Variants in KCNIP4 observed in about 807,000 individuals in gnomAD.
KCNIP4 encodes potassium voltage-gated channel interacting protein 4, also known as Kv channel-interacting protein 4.
Under a neutral mutation model 34.0 loss-of-function variants are expected in KCNIP4, and 12 were observed. That is an observed-to-expected ratio of 0.35 (90% CI 0.23 to 0.57). The LOEUF (loss-of-function observed/expected upper bound fraction) is 0.57. Among genes scored for constraint, KCNIP4 ranks in the 20% least tolerant of loss-of-function variants. KCNIP4 has a pLI of 0.83. For synonymous variants in KCNIP4, 124 were observed against 102.2 expected (o/e 1.21, Z -1.29); for missense variants, 238 against 311.7 (o/e 0.76, Z 1.78).
At chr4:20,915,425 GTAAC>G (rs1295621254) in intron 1 of KCNIP4, among the ~76,000 whole-genome samples, 1 of 152,102 alleles carries the variant, frequency 6.6e-6, no homozygotes, top group African/African-American at 2.4e-5. Context: ...CTCAGCAAAA[GTAAC>G]TAAAAGATAA....
intron 1 of KCNIP4, among the ~76,000 whole-genome samples, chr4:21,739,499 A>G (rs967167828): frequency 1.3e-5 from 2 of 152,058 alleles, no homozygotes; most frequent in Non-Finnish European, 2.9e-5. Context: ...ATTGACAAAA[A>G]TCTTGAGAAA....
At chr4:20,792,964 T>C (rs1301739194) in intron 3 of KCNIP4, among the ~76,000 whole-genome samples, 37 of 152,174 alleles carry the variant, frequency 2.4e-4, no homozygotes, top group Admixed American at 2.3e-3. Context: ...CATGTACATC[T>C]AATGAAAAGA....
At chr4:21,378,195 C>T (rs561793083) in intron 1 of KCNIP4, among the ~76,000 whole-genome samples, 2 of 152,288 alleles carry the variant, frequency 1.3e-5, no homozygotes, top group South Asian at 4.1e-4. Flanking sequence ...TAGTGGAATA[C>T]TCACATTGAG....
At chr4:21,049,884 C>T (rs573590360) in intron 1 of KCNIP4, among the ~76,000 whole-genome samples, 3 of 152,294 alleles carry the variant, frequency 2.0e-5, no homozygotes, top group Admixed American at 1.3e-4. Context: ...TTTAAAAACC[C>T]AATCTTTCAC....
chr4:21,759,419 T>G (rs1449413741), intron 1 of KCNIP4, among the ~76,000 whole-genome samples: 1 of 152,170 alleles, frequency 6.6e-6, no homozygotes, highest in African/African-American at 2.4e-5. Flanking sequence ...TATTGCCAAG[T>G]GAAAAAGAAA....
At chr4:21,859,406 A>G (rs1724934279) in intron 1 of KCNIP4, among the ~76,000 whole-genome samples, 2 of 151,826 alleles carry the variant, frequency 1.3e-5, no homozygotes, top group African/African-American at 4.8e-5. Context: ...CAGGAGATCG[A>G]GACCATCCTG....
intron 1 of KCNIP4, among the ~76,000 whole-genome samples, chr4:21,339,249 A>C (rs1245138430): frequency 6.6e-6 from 1 of 152,234 alleles, no homozygotes; most frequent in Non-Finnish European, 1.5e-5. Context: ...GTTCACTGAA[A>C]TTCTGCTGAG....
chr4:21,015,438 A>AAT (rs924489761), intron 1 of KCNIP4, among the ~76,000 whole-genome samples: 3 of 141,620 alleles, frequency 2.1e-5, no homozygotes, highest in Non-Finnish European at 4.5e-5. Flanking sequence ...GGTTATATAT[A>AAT]ATATATATAT....
At chr4:20,936,375 C>A (rs760172770) in intron 1 of KCNIP4, among the ~76,000 whole-genome samples, 1 of 151,350 alleles carries the variant, frequency 6.6e-6, no homozygotes, top group Admixed American at 6.6e-5. Context: ...ACATTTATTC[C>A]GGATCTTTCA....
chr4:21,096,754 A>C (rs1402422342), intron 1 of KCNIP4, among the ~76,000 whole-genome samples: 1 of 152,126 alleles, frequency 6.6e-6, no homozygotes, highest in Non-Finnish European at 1.5e-5. Context: ...GAATAATTTT[A>C]ATTTAAAGAG....
chr4:21,682,261 G>A (rs1750424069), intron 1 of KCNIP4, among the ~76,000 whole-genome samples: 1 of 152,050 alleles, frequency 6.6e-6, no homozygotes, highest in Non-Finnish European at 1.5e-5. Flanking sequence ...CAGTACCAAG[G>A]GGATGGTGCT....
chr4:21,392,333 A>C (rs1174633452), intron 1 of KCNIP4, among the ~76,000 whole-genome samples: 1 of 152,216 alleles, frequency 6.6e-6, no homozygotes, highest in African/African-American at 2.4e-5. Context: ...TTAAGAGTTC[A>C]TTTCTTATAG....
intron 1 of KCNIP4, among the ~76,000 whole-genome samples, chr4:21,125,850 A>ATTCTT (rs1750570927): frequency 6.6e-6 from 1 of 152,066 alleles, no homozygotes; most frequent in East Asian, 1.9e-4. Flanking sequence ...CTAAGAGGAG[A>ATTCTT]TTCTATAAGG....
At chr4:21,577,218 C>T (rs1295196731) in intron 1 of KCNIP4, among the ~76,000 whole-genome samples, 10 of 152,138 alleles carry the variant, frequency 6.6e-5, no homozygotes. Context: ...TCTGAAAAAC[C>T]CTTGACTCTA....
chr4:21,086,747 C>T (rs534543423), intron 1 of KCNIP4, among the ~76,000 whole-genome samples: 1 of 152,202 alleles, frequency 6.6e-6, no homozygotes, highest in South Asian at 2.1e-4. Flanking sequence ...CCATTAAGAC[C>T]CTAAGCTCTT....
chr4:21,703,718 C>T lies in KCNIP4; in HGVS notation c.61+244853G>A, dbSNP rs141038028. ...TACAAGACTTGTGTGCTGAAAATTA[C>T]AAAAACTCTGATAAAAAATAAAAAG... On this transcript the variant is annotated intron_variant, in intron 1 of 8. Transcript: ENST00000382152. 6.0e-3 allele frequency among the ~76,000 whole-genome samples: 913 copies of T among 152,102 alleles called. 6 individuals carry two copies. Among genetic ancestry groups the T allele is most frequent in the African/African-American group, 0.021 (874 of 41,512 alleles).
intron 1 of KCNIP4, among the ~76,000 whole-genome samples, chr4:21,327,326 A>T (rs1272966589): frequency 6.6e-6 from 1 of 152,038 alleles, no homozygotes; most frequent in Non-Finnish European, 1.5e-5. Context: ...CAGATTTGCT[A>T]TTCTAGGATA....
chr4:21,123,907 C>T (rs1045582569), intron 1 of KCNIP4, among the ~76,000 whole-genome samples: 7 of 152,082 alleles, frequency 4.6e-5, no homozygotes, highest in Non-Finnish European at 1.0e-4. Flanking sequence ...CACGCTGGCA[C>T]CCTGTGCTCA....
At chr4:21,515,405 G>C (rs11735220) in intron 1 of KCNIP4, among the ~76,000 whole-genome samples, 26,829 of 152,182 alleles carry the variant, frequency 0.18, 2,760 homozygotes, top group Middle Eastern at 0.27. Flanking sequence ...TTGGGAGGCA[G>C]AGACGGGTGG....
Sources: gnomAD v4.1 joint callset for allele counts (sites outside exome capture counted in the v4.1 genomes callset) on GRCh38, gnomAD v4.1.1 for gene constraint, MANE v1.5 for transcripts, NCBI Gene and HGNC (gene_info 2026-07-23, HGNC 2026-07-21) for gene names.